P2RX5: variants seen among roughly 807,000 people sequenced by gnomAD.
P2RX5 encodes the protein P2X purinoceptor 5.
P2RX5 carries 46 observed loss-of-function variants against 54.1 expected under a neutral mutation model. The observed-to-expected ratio is 0.85, with a 90% confidence interval of 0.67 to 1.09. The LOEUF (loss-of-function observed/expected upper bound fraction) is 1.09, where lower values mean the gene tolerates loss of function less well. Ranked by LOEUF, P2RX5 falls within the 50% of genes least tolerant of loss-of-function variation. The pLI is 0.00. For missense variants in P2RX5, 566 were observed against 549.8 expected (o/e 1.03, Z -0.29); for synonymous variants, 226 against 226.4 (o/e 1.00, Z 0.02).
At chr17:3,697,125 C>T (rs1250668837), upstream of P2RX5, among the ~76,000 whole-genome samples, 1 of 106,890 alleles carries the variant, frequency 9.4e-6, no homozygotes, top group Non-Finnish European at 1.9e-5. Flanking sequence ...CTCCCACACT[C>T]AGGGCGGATG....
chr17:3,714,288 C>A, the P2RX5 span, among the ~76,000 whole-genome samples: 8 of 150,992 alleles, frequency 5.3e-5, no homozygotes, highest in Non-Finnish European at 1.5e-5. Context: ...AGTGCAGTGG[C>A]ACGATCTCGG....
intron 9 of P2RX5, chr17:3,682,735 A>AT: frequency 6.5e-6 from 1 of 153,390 alleles, no homozygotes; most frequent in Non-Finnish European, 1.5e-5. Flanking sequence ...TCAAAGAAAG[A>AT]TGATGGGTGC....
Position 3,681,631 on chromosome 17 carries a change from C to T in P2RX5, c.1064+265G>A, listed in dbSNP as rs534528104. Among the ~76,000 whole-genome samples the T allele has an allele frequency of 4.6e-5, 7 of 152,352 alleles. No individual in the cohort carries two copies. In the South Asian group the frequency reaches 1.0e-3, roughly 23 times the overall value. ...TCTCCCAGATAGAGAAACCGAGGCC[C>T]GGGGAGGCCTGGGACTTGTCCAGAA... is the stretch of plus-strand genomic sequence containing the variant. On this transcript the variant is annotated intron_variant, in intron 10 of 11. Transcript: ENST00000225328.
In P2RX5 at chr17:3,677,636, G is replaced by A. The variant is rs571169682; in HGVS notation, c.1259+1954C>T. On this transcript the variant is annotated intron_variant, in intron 11 of 11. Coordinates refer to ENST00000225328, the MANE Select transcript of P2RX5 (RefSeq NM_002561.4). The stretch of plus-strand genomic sequence containing the variant: ...AGCTGGAGTGGCTGGGCCTGGCTGT[G>A]ATGTCTCTGTTGGCTTTGGAGGAAT... 1.2e-5 allele frequency: 12 copies of A among 985,368 alleles called. No individual in the cohort carries two copies. In the South Asian group the frequency reaches 5.6e-4, roughly 46 times the overall value. 61.0% of individuals were successfully genotyped at this position (985,368 alleles called of 1,614,324 possible).
chr17:3,680,239 C>T, intron 10 of P2RX5, among the ~76,000 whole-genome samples: 1 of 140,860 alleles, frequency 7.1e-6, no homozygotes. Context: ...GCGTCCTCCA[C>T]CCAGCGTCCT....
the P2RX5 span, among the ~76,000 whole-genome samples, chr17:3,705,014 A>G: frequency 1.3e-5 from 2 of 152,178 alleles, no homozygotes; most frequent in East Asian, 3.9e-4. Flanking sequence ...TCTCAAAAAA[A>G]GAGAGGATAA....
At chr17:3,676,104 A>T (rs160583) in intron 11 of P2RX5, 401,576 of 985,126 alleles carry the variant, frequency 0.41, 84,086 homozygotes, top group African/African-American at 0.65. Flanking sequence ...GGACTGGTTG[A>T]GTGAGGGCGG....
intron 10 of P2RX5, among the ~76,000 whole-genome samples, chr17:3,680,215 GC>G (rs1772846702): frequency 2.2e-5 from 3 of 135,644 alleles, no homozygotes; most frequent in Non-Finnish European, 3.2e-5. Flanking sequence ...CCTCCACCCT[GC>G]ATCCTCCACC....
chr17:3,674,099 G>C (rs2050043842), intron 11 of P2RX5, among the ~76,000 whole-genome samples: 1 of 152,150 alleles, frequency 6.6e-6, no homozygotes, highest in Non-Finnish European at 1.5e-5. Flanking sequence ...CGGATCACGA[G>C]GTCAGGAGAT....
Position 3,690,438 on chromosome 17 carries a change from G to A in P2RX5, c.522C>T (p.Ser174=), listed in dbSNP as rs2038417776. Residue 174 remains serine (S), a synonymous_variant, in exon 5 of 12, where the codon AGC becomes AGT. Coordinates refer to ENST00000225328, the MANE Select transcript of P2RX5 (RefSeq NM_002561.4). The part of the protein sequence containing the change: ...EIFAWCPLET[S]SRPEEPFLKE... The stretch of plus-strand genomic sequence containing the variant: ...CTGCAGCCACTCACTCCGGCCTGGA[G>A]CTTGTCTCCAACGGGCACCAGGCAA... 6.2e-7 allele frequency: 1 copy of A among 1,611,188 alleles called. No individual in the cohort carries two copies. The highest frequency in any genetic ancestry group is 8.5e-7 in the Non-Finnish European group (1 of 1,178,836).
At chr17:3,706,551 C>T in the P2RX5 span, among the ~76,000 whole-genome samples, 2 of 152,196 alleles carry the variant, frequency 1.3e-5, no homozygotes, top group Non-Finnish European at 2.9e-5. Flanking sequence ...TCATAATTAG[C>T]ATCTCACAGG....
intron 3 of P2RX5, 69 bp from the exon 4 acceptor site, chr17:3,690,749 G>A (rs2050591666): frequency 6.7e-7 from 1 of 1,481,864 alleles, no homozygotes; most frequent in African/African-American, 1.4e-5. Context: ...CACTCCAGGA[G>A]ATAGAATAGG....
intron 11 of P2RX5, chr17:3,677,187 C>T: frequency 1.0e-6 from 1 of 985,300 alleles, no homozygotes; most frequent in Non-Finnish European, 1.2e-6. Context: ...ATGAGGGCCT[C>T]CCTAACTCAG....
the P2RX5 span, among the ~76,000 whole-genome samples, chr17:3,705,807 C>T: frequency 1.3e-5 from 2 of 151,890 alleles, no homozygotes; most frequent in African/African-American, 4.8e-5. Flanking sequence ...TTACTTTTTT[C>T]TTTTTTGAGA....
At chr17:3,677,529 G>C in intron 11 of P2RX5, 7 of 985,374 alleles carry the variant, frequency 7.1e-6, no homozygotes, top group Non-Finnish European at 8.4e-6. Context: ...TGTCCCCTTG[G>C]GTGTTGTCCA....
intron 8 of P2RX5, 40 bp from the exon 9 acceptor site, chr17:3,688,145 G>T: frequency 1.8e-6 from 2 of 1,132,244 alleles, no homozygotes; most frequent in Non-Finnish European, 2.6e-6. Context: ...CAGCCTGCCT[G>T]GCCTTCCCTC....
At chr17:3,683,500 G>C (rs1368286652) in intron 9 of P2RX5, among the ~76,000 whole-genome samples, 1 of 152,158 alleles carries the variant, frequency 6.6e-6, no homozygotes, top group African/African-American at 2.4e-5. Flanking sequence ...GGAGGCCGAG[G>C]TGGGCGGATC....
At chr17:3,698,706 C>A (rs190442164), upstream of P2RX5, among the ~76,000 whole-genome samples, 739 of 152,216 alleles carry the variant, frequency 4.9e-3, 6 homozygotes, top group African/African-American at 0.017. Flanking sequence ...TCCTGAACTC[C>A]CCACGGCACA....
At chr17:3,720,587 T>TG in the P2RX5 span, 1 of 304,514 alleles carries the variant, frequency 3.3e-6, no homozygotes, top group South Asian at 6.1e-5. Flanking sequence ...CAACTTCCTT[T>TG]TTTTTTTTTT....
Sources: gnomAD v4.1 joint callset for allele counts (sites outside exome capture counted in the v4.1 genomes callset) on GRCh38, gnomAD v4.1.1 for gene constraint, MANE v1.5 for transcripts, NCBI Gene and HGNC (gene_info 2026-07-23, HGNC 2026-07-21) for gene names.